Variants in STARD13 observed in about 807,000 individuals in gnomAD.
STARD13 encodes the protein StAR related lipid transfer domain containing 13, also known as stAR-related lipid transfer protein 13.
In STARD13, 62 loss-of-function variants were observed where a neutral mutation model predicts 106.4. That is an observed-to-expected ratio of 0.58 (90% CI 0.48 to 0.72). The LOEUF (loss-of-function observed/expected upper bound fraction) is 0.72, where lower values mean the gene tolerates loss of function less well. Among genes scored for constraint, STARD13 ranks in the 30% least tolerant of loss-of-function variants. The pLI is 0.00. For missense variants in STARD13, 1,387 were observed against 1,424.0 expected, an observed-to-expected ratio of 0.97 and a Z score of 0.42; for synonymous variants, 565 against 553.0, an observed-to-expected ratio of 1.02 and a Z score of -0.31.
At chr13:33,350,471 G>A (rs1196052774) in exon 1 of STARD13, 6 of 1,493,830 alleles carry the variant, frequency 4.0e-6, no homozygotes, top group Middle Eastern at 1.7e-4. Context: ...CGCGTGGCCC[G>A]CGACTCAGAC....
chr13:33,370,200 A>T, the STARD13 span, among the ~76,000 whole-genome samples: 2 of 152,222 alleles, frequency 1.3e-5, no homozygotes, highest in Non-Finnish European at 2.9e-5. Context: ...ATAACCATCA[A>T]TCACTGGGAG....
chr13:33,165,529 C>T (rs761376115), intron 2 of STARD13, 111 bp from the exon 3 acceptor site: 2 of 771,598 alleles, frequency 2.6e-6, no homozygotes, highest in South Asian at 1.6e-5. Context: ...GCAGTGACTG[C>T]CCATCATCAT....
chr13:33,503,555 A>G, the STARD13 span, among the ~76,000 whole-genome samples: 6 of 152,122 alleles, frequency 3.9e-5, no homozygotes, highest in African/African-American at 1.4e-4. Context: ...TGCTTTAAAT[A>G]TGTGCCAGAG....
At chr13:33,148,518 C>T (rs1880847626) in intron 3 of STARD13, among the ~76,000 whole-genome samples, 1 of 152,150 alleles carries the variant, frequency 6.6e-6, no homozygotes. Flanking sequence ...CAAACTAAAA[C>T]ATCCATGAGA....
At chr13:33,472,435 T>C in the STARD13 span, among the ~76,000 whole-genome samples, 1,325 of 152,246 alleles carry the variant, frequency 8.7e-3, 21 homozygotes, top group African/African-American at 0.03. Context: ...AAATTTATCA[T>C]AGTGGTGGAG....
intron 3 of STARD13, chr13:33,155,386 AT>A (rs1024802273): frequency 6.6e-6 from 1 of 152,258 alleles, no homozygotes. Context: ...AACTTCATGC[AT>A]AATGAACACT....
chr13:33,275,221 C>T (rs981580540), intron 1 of STARD13, among the ~76,000 whole-genome samples: 1 of 152,134 alleles, frequency 6.6e-6, no homozygotes, highest in African/African-American at 2.4e-5. Context: ...TTCAAATTTT[C>T]TGGAAGACAT....
At chr13:33,637,288 C>A in the STARD13 span, among the ~76,000 whole-genome samples, 1 of 152,110 alleles carries the variant, frequency 6.6e-6, no homozygotes, top group Non-Finnish European at 1.5e-5. Flanking sequence ...TCAACAAAGT[C>A]GGGTGGCCTG....
intron 1 of STARD13, among the ~76,000 whole-genome samples, chr13:33,231,865 G>A (rs1264252496): frequency 6.6e-6 from 1 of 152,144 alleles, no homozygotes; most frequent in Non-Finnish European, 1.5e-5. Context: ...GTATCCACAG[G>A]GGATTGGTTC....
chr13:33,501,925 T>C, the STARD13 span, among the ~76,000 whole-genome samples: 1 of 152,154 alleles, frequency 6.6e-6, no homozygotes, highest in African/African-American at 2.4e-5. Context: ...AAGAAAGTCA[T>C]TGGTAGCTTG....
intron 3 of STARD13, among the ~76,000 whole-genome samples, chr13:33,162,399 G>A (rs1882738928): frequency 6.6e-6 from 1 of 152,178 alleles, no homozygotes; most frequent in African/African-American, 2.4e-5. Flanking sequence ...ATTACCATTT[G>A]GCTCCTTGAC....
chr13:33,126,774 A>AT (rs1436225491), intron 6 of STARD13, among the ~76,000 whole-genome samples: 7 of 152,170 alleles, frequency 4.6e-5, no homozygotes, highest in African/African-American at 1.2e-4. Flanking sequence ...AGCACCATTG[A>AT]TTTTTTAAAT....
At chr13:33,336,979 AAAT>A (rs1328470596) in intron 1 of STARD13, among the ~76,000 whole-genome samples, 4 of 152,052 alleles carry the variant, frequency 2.6e-5, no homozygotes, top group African/African-American at 4.8e-5. Context: ...ACTTCACATT[AAAT>A]AATAATTTTT....
intron 1 of STARD13, among the ~76,000 whole-genome samples, chr13:33,265,774 C>G (rs1423098435): frequency 6.6e-6 from 1 of 151,978 alleles, no homozygotes; most frequent in Non-Finnish European, 1.5e-5. Flanking sequence ...GTGACCCAGA[C>G]TTTACTGAGT....
intron 1 of STARD13, among the ~76,000 whole-genome samples, chr13:33,171,399 A>G (rs1008729218): frequency 3.3e-5 from 5 of 152,256 alleles, no homozygotes; most frequent in Admixed American, 6.5e-5. Flanking sequence ...GCTTGGTATT[A>G]TGAAAAGATT....
chr13:33,385,126 AATAT>A, the STARD13 span, among the ~76,000 whole-genome samples: 2 of 129,910 alleles, frequency 1.5e-5, no homozygotes, highest in Non-Finnish European at 1.7e-5. Context: ...AAAGGTTCGG[AATAT>A]ATATATATAT....
At chr13:33,642,130 G>A in the STARD13 span, among the ~76,000 whole-genome samples, 3 of 152,174 alleles carry the variant, frequency 2.0e-5, no homozygotes, top group African/African-American at 7.2e-5. Context: ...AGGGTAGTTG[G>A]ATGAATGACT....
chr13:33,500,828 A>G, the STARD13 span, among the ~76,000 whole-genome samples: 2 of 152,086 alleles, frequency 1.3e-5, no homozygotes, highest in South Asian at 4.1e-4. Flanking sequence ...CCATAACTCC[A>G]GTTTCTAACT....
At chr13:33,442,352 A>G in the STARD13 span, among the ~76,000 whole-genome samples, 2 of 152,106 alleles carry the variant, frequency 1.3e-5, no homozygotes, top group Admixed American at 6.6e-5. Flanking sequence ...TCATACATTA[A>G]TAATAATAAT....
Sources: gnomAD v4.1 joint callset for allele counts (sites outside exome capture counted in the v4.1 genomes callset) on GRCh38, gnomAD v4.1.1 for gene constraint, MANE v1.5 for transcripts, NCBI Gene and HGNC (gene_info 2026-07-23, HGNC 2026-07-21) for gene names.